Variants in SULF2 observed in about 807,000 individuals in gnomAD.
SULF2 encodes the protein sulfatase 2, also known as extracellular sulfatase Sulf-2.
SULF2 carries 52 observed loss-of-function variants against 107.7 expected under a neutral mutation model. The observed-to-expected ratio is 0.48, with a 90% CI of 0.39 to 0.61. SULF2 has a LOEUF of 0.61. Among genes scored for constraint, SULF2 ranks in the 20% least tolerant of loss-of-function variants. The probability of loss-of-function intolerance (pLI) is 0.00; values close to 1 mark genes in which losing one functional copy is unlikely to be tolerated. For missense variants in SULF2, 993 were observed against 1,177.3 expected, an observed-to-expected ratio of 0.84 and a Z score of 2.29; for synonymous variants, 460 against 464.3, an observed-to-expected ratio of 0.99 and a Z score of 0.12.
At chr20:47,702,217 C>A (rs563560441) in intron 4 of SULF2, among the ~76,000 whole-genome samples, 1 of 152,044 alleles carries the variant, frequency 6.6e-6, no homozygotes, top group Non-Finnish European at 1.5e-5. Flanking sequence ...GCCACCACAC[C>A]CGGCTAAGTT....
At position 47,745,382 on chromosome 20, in the gene SULF2, GAAAAAAA is replaced by G. The variant is rs1158560282; in HGVS notation, c.176-8447_176-8441del. ...CTCAGGGTTGTTCTGAGTTTTGAGGGAAAAAAAAAAAAAAAAAAAAAAAAAAAAATAT... is the reference window on the plus strand; with the variant it reads ...CTCAGGGTTGTTCTGAGTTTTGAGGGAAAAAAAAAAAAAAAAAAAAAATAT... On this transcript the variant is annotated intron_variant, in intron 2 of 20. Transcript: ENST00000688720. Among the ~76,000 whole-genome samples the G allele has an allele frequency of 5.4e-3, 280 of 51,940 alleles. 4 individuals carry two copies. The highest frequency in any genetic ancestry group is 6.9e-3 in the Non-Finnish European group (164 of 23,886). 34.1% of individuals were successfully genotyped at this position (51,940 alleles called of 152,430 possible). A position where few individuals can be genotyped will look rare whatever the true frequency, so the allele number is the denominator to read the frequency against.
chr20:47,741,193 A>C (rs1001375711), intron 2 of SULF2, among the ~76,000 whole-genome samples: 1 of 152,036 alleles, frequency 6.6e-6, no homozygotes, highest in Non-Finnish European at 1.5e-5. Context: ...GAGGAGCCCA[A>C]ATCTTTCTGG....
intron 2 of SULF2, among the ~76,000 whole-genome samples, chr20:47,740,036 A>G (rs1220261173): frequency 6.6e-6 from 1 of 152,212 alleles, no homozygotes; most frequent in East Asian, 1.9e-4. Context: ...ACCTTCTGAT[A>G]TAGCTAAGGA....
At chr20:47,781,657 CA>C (rs1397480283) in intron 1 of SULF2, among the ~76,000 whole-genome samples, 1 of 152,114 alleles carries the variant, frequency 6.6e-6, no homozygotes, top group Admixed American at 6.5e-5. Context: ...TCACCTGGGT[CA>C]GACGCCCTGC....
intron 10 of SULF2, among the ~76,000 whole-genome samples, chr20:47,674,970 C>A (rs1229820450): frequency 3.3e-5 from 5 of 152,186 alleles, no homozygotes; most frequent in Non-Finnish European, 5.9e-5. Flanking sequence ...CTGGCCTAGG[C>A]TAAGTGCCCC....
chr20:47,722,546 G>A (rs2089323007), intron 3 of SULF2, among the ~76,000 whole-genome samples: 1 of 152,138 alleles, frequency 6.6e-6, no homozygotes, highest in South Asian at 2.1e-4. Context: ...ACACGTGTGA[G>A]CCACCGTGCC....
At chr20:47,753,098 C>CAAAAAAAAAAAAAAAAA (rs10578438) in intron 2 of SULF2, among the ~76,000 whole-genome samples, 2 of 90,684 alleles carry the variant, frequency 2.2e-5, no homozygotes, top group Non-Finnish European at 4.2e-5. Flanking sequence ...GAGACTCTCT[C>CAAAAAAAAAAAAAAAAA]AAAAAAAAAA....
At chr20:47,675,305 A>C (rs2087604933) in intron 10 of SULF2, among the ~76,000 whole-genome samples, 1 of 152,014 alleles carries the variant, frequency 6.6e-6, no homozygotes, top group African/African-American at 2.4e-5. Flanking sequence ...GCTTCTGTTG[A>C]GCATGTTCGA....
At chr20:47,661,602 TTAA>T (rs2146382500) in intron 18 of SULF2, 168 bp downstream of exon 18, 3 of 527,474 alleles carry the variant, frequency 5.7e-6, no homozygotes, top group Non-Finnish European at 9.4e-6. Flanking sequence ...TCACAGCTTG[TTAA>T]AGGTCATCTG....
intron 3 of SULF2, among the ~76,000 whole-genome samples, chr20:47,713,166 G>A (rs1437211063): frequency 1.3e-5 from 2 of 152,206 alleles, no homozygotes; most frequent in Admixed American, 6.5e-5. Flanking sequence ...AAGCACATCT[G>A]TGTGCAGAAT....
rs188787000 is a variant in SULF2, at chr20:47,695,533, T to C, written c.568-5238A>G. 1.8e-3 allele frequency among the ~76,000 whole-genome samples: 277 copies of C among 152,338 alleles called. 3 individuals are homozygous for C. Among genetic ancestry groups the C allele is most frequent in the Non-Finnish European group, 2.0e-3 (133 of 68,030 alleles). On this transcript the variant is annotated intron_variant, in intron 4 of 20. Transcript: ENST00000688720. ...TGCCTCATGTAAGGGAATCATGCAG[T>C]ATTTGTCCTTCTGTGTCTGGTTTAT...
intron 16 of SULF2, 93 bp downstream of exon 16, chr20:47,663,360 C>A (rs1020753579): frequency 1.3e-6 from 2 of 1,581,062 alleles, no homozygotes; most frequent in African/African-American, 1.3e-5. Flanking sequence ...GTGTTGGGGA[C>A]CCCCTTTCTG....
intron 3 of SULF2, among the ~76,000 whole-genome samples, chr20:47,709,130 G>A (rs989033584): frequency 6.6e-6 from 1 of 152,190 alleles, no homozygotes; most frequent in Admixed American, 6.5e-5. Flanking sequence ...GGGAGATACA[G>A]CCAAGAGAAT....
At chr20:47,700,637 C>CT (rs59966689) in intron 4 of SULF2, among the ~76,000 whole-genome samples, 73,470 of 126,156 alleles carry the variant, frequency 0.58, 22,191 homozygotes, top group East Asian at 0.83. Context: ...GGTGCAACAT[C>CT]TTTTTTTTTT....
At chr20:47,667,189 T>C (rs568552775) in intron 11 of SULF2, among the ~76,000 whole-genome samples, 19 of 152,278 alleles carry the variant, frequency 1.2e-4, no homozygotes, top group African/African-American at 4.1e-4. Context: ...AAAATGTTGA[T>C]TTAAACTGGG....
intron 2 of SULF2, among the ~76,000 whole-genome samples, chr20:47,741,566 A>G (rs2089883282): frequency 6.6e-6 from 1 of 152,176 alleles, no homozygotes; most frequent in Non-Finnish European, 1.5e-5. Flanking sequence ...GTTCCCTGTG[A>G]CTTTTGATGG....
At chr20:47,692,866 C>G (rs2088242269) in intron 4 of SULF2, among the ~76,000 whole-genome samples, 1 of 152,180 alleles carries the variant, frequency 6.6e-6, no homozygotes, top group Non-Finnish European at 1.5e-5. Context: ...GAGCAAGCAA[C>G]AGAGTCAAAC....
At chr20:47,746,067 C>G (rs1181529601) in intron 2 of SULF2, among the ~76,000 whole-genome samples, 1 of 152,228 alleles carries the variant, frequency 6.6e-6, no homozygotes, top group East Asian at 1.9e-4. Flanking sequence ...ACCTGAGTAG[C>G]GAAGGCCCAC....
intron 1 of SULF2, among the ~76,000 whole-genome samples, chr20:47,758,802 G>C (rs368749252): frequency 1.3e-5 from 2 of 152,232 alleles, no homozygotes; most frequent in Admixed American, 1.3e-4. Context: ...CTGCAGATGT[G>C]CCGGGAGGAA....
Sources: allele counts gnomAD v4.1 joint callset (sites outside exome capture counted in the v4.1 genomes callset), GRCh38; gene constraint gnomAD v4.1.1; transcripts MANE v1.5; gene names NCBI Gene and HGNC (gene_info 2026-07-23, HGNC 2026-07-21).